USP36: variants seen among roughly 807,000 people sequenced by gnomAD.
The protein encoded by USP36 is ubiquitin specific peptidase 36.
A neutral mutation model predicts 111.5 loss-of-function variants in USP36; 59 were observed. The observed-to-expected ratio is 0.53, with a 90% CI of 0.43 to 0.66. The LOEUF is 0.66. USP36 is among the 30% of genes least tolerant of loss of function. The pLI, the probability that USP36 is intolerant of heterozygous loss-of-function variation, is 0.00. For synonymous variants in USP36, 628 were observed against 581.0 expected, an observed-to-expected ratio of 1.08 and a Z score of -1.16; for missense variants, 1,488 against 1,468.0, an observed-to-expected ratio of 1.01 and a Z score of -0.22.
intron 15 of USP36, among the ~76,000 whole-genome samples, chr17:78,804,524 G>A (rs1291102628): frequency 6.8e-6 from 1 of 146,658 alleles, no homozygotes; most frequent in Admixed American, 6.8e-5. Flanking sequence ...TTACCTAGGT[G>A]GTGGGTTGAT....
At chr17:78,835,887 G>A in intron 3 of USP36, 2 of 670,352 alleles carry the variant, frequency 3.0e-6, no homozygotes, top group Non-Finnish European at 4.9e-6. Context: ...GGGACAGCAA[G>A]TCCAAGGACC....
At chr17:78,827,088 C>T in intron 6 of USP36, 157 bp downstream of exon 6, 1 of 808,450 alleles carries the variant, frequency 1.2e-6, no homozygotes, top group Non-Finnish European at 2.1e-6. Context: ...ATTTGGGCTC[C>T]AACAGTTTGA....
At chr17:78,814,267 G>T in intron 11 of USP36, 145 bp downstream of exon 11, 3 of 1,125,714 alleles carry the variant, frequency 2.7e-6, no homozygotes, top group East Asian at 2.6e-5. Flanking sequence ...TTCACTCCAC[G>T]CAGAGAGGCA....
chr17:78,818,728 G>A lies in USP36; in HGVS notation c.962C>T (p.Ser321Phe). The change falls in exon 10 of 21, where the codon TCC becomes TTC. Residue 321 changes from serine to phenylalanine, a missense_variant. Ser to Phe is a radical substitution (Grantham distance 155). This residue lies in a region of USP36 where 196 missense variants were observed against 264.4 expected (regional missense o/e 0.74). Coordinates refer to ENST00000449938, the MANE Select transcript of USP36 (RefSeq NM_001385174.1). ...CTTGAGGGAAAGGGTTAAGACGTTG[G>A]ATGTTCTGTGGATGGTGAAGCGCTT... ...ASKRFTIHRT[S>F]NVLTLSLKRF... 1 of 1,614,100 alleles carries A rather than the reference G, an allele frequency of 6.2e-7. No homozygotes were observed. The highest frequency in any genetic ancestry group is 8.5e-7 in the Non-Finnish European group (1 of 1,179,954).
chr17:78,794,747 C>T (rs2093608969), downstream of USP36, among the ~76,000 whole-genome samples: 1 of 152,102 alleles, frequency 6.6e-6, no homozygotes, highest in Non-Finnish European at 1.5e-5. Context: ...GTGGCTCACG[C>T]CTGGAATCCC....
In USP36 at chr17:78,799,664, T is replaced by G; in HGVS notation, c.3124+3A>C. On this transcript the variant is annotated splice_donor_region_variant and intron_variant, in intron 18 of 20. Transcript: ENST00000449938. ...AACAGAAGTCCTGTCTCCAAATCAG[T>G]ACCTTTTCTCCCGTAAGCTTTATCA... The G allele has an allele frequency of 6.2e-7, 1 of 1,611,652 alleles. No individual in the cohort carries two copies. The highest frequency in any genetic ancestry group is 8.5e-7 in the Non-Finnish European group (1 of 1,179,124).
Position 78,836,095 on chromosome 17 carries a change from C to T in USP36, c.253+16G>A, listed in dbSNP as rs745673427. On this transcript the variant is annotated intron_variant, in intron 3 of 20. Transcript: ENST00000449938. ...CGGAGTGAGGGCCTCTCTGCCAGCACACTGCACATCTGTACCCTGTCTCCT... is the reference window on the plus strand; with the variant it reads ...CGGAGTGAGGGCCTCTCTGCCAGCATACTGCACATCTGTACCCTGTCTCCT... The T allele has an allele frequency of 1.2e-6, 2 of 1,609,926 alleles. No individual in the cohort carries two copies. The highest frequency in any genetic ancestry group is 3.3e-5 in the Admixed American group (2 of 59,946).
intron 3 of USP36, among the ~76,000 whole-genome samples, chr17:78,789,826 G>A (rs1400547543): frequency 3.3e-5 from 5 of 152,180 alleles, no homozygotes; most frequent in Non-Finnish European, 7.3e-5. Context: ...TTTCACTTAC[G>A]CAGAAAAACA....
intron 13 of USP36, among the ~76,000 whole-genome samples, chr17:78,808,673 T>C (rs1156880797): frequency 6.6e-6 from 1 of 152,186 alleles, no homozygotes; most frequent in African/African-American, 2.4e-5. Context: ...CTGTACAGTA[T>C]ATGTGTGTGT....
At chr17:78,841,379 G>C (rs527708930), upstream of USP36, 1 of 152,472 alleles carries the variant, frequency 6.6e-6, no homozygotes, top group South Asian at 2.1e-4. Context: ...TTTGGGGAGG[G>C]AGGGATCTGG....
chr17:78,818,390 T>A (rs1286866820), intron 10 of USP36, among the ~76,000 whole-genome samples: 1 of 152,110 alleles, frequency 6.6e-6, no homozygotes, highest in Non-Finnish European at 1.5e-5. Flanking sequence ...CTGGGCCCTG[T>A]CCTCCAGAGA....
In USP36 at chr17:78,798,516, C is replaced by T; in HGVS notation, c.3276G>A (p.Arg1092=). ...GTTTCTGGAAGGCGTTGAAGTTTCT[C>T]CTCTTCTCTCTCTTAAATTTTTTAA... The part of the protein sequence containing the change: ...KKIKKFKREK[R]RNFNAFQKLQ... Residue 1092 remains arginine, a synonymous_variant, in exon 20 of 21, where the codon AGG becomes AGA. Transcript: ENST00000449938. This position sits in a 1 kb window ranked among gnomAD's most constrained non-coding sequence, Gnocchi z 5.1. 1 of 1,614,008 alleles carries T rather than the reference C, an allele frequency of 6.2e-7. No homozygotes were observed. Among genetic ancestry groups the T allele is most frequent in the African/African-American group, 1.3e-5 (1 of 75,006 alleles).
upstream of USP36, chr17:78,841,322 C>CCG (rs1346446323): frequency 6.6e-6 from 1 of 152,426 alleles, no homozygotes; most frequent in Admixed American, 6.5e-5. Context: ...CCTTAACGTC[C>CCG]CGGGCTCTGG....
rs776050277 is a variant in USP36, at chr17:78,798,437, G to A, written c.3355C>T (p.Leu1119Phe). 4 of 1,614,202 alleles carry A rather than the reference G, an allele frequency of 2.5e-6. No homozygotes were observed. The South Asian group carries it at 4.4e-5, about 18-fold the overall frequency. Residue 1119 changes from leucine to phenylalanine, a missense_variant, in exon 20 of 21, where the codon CTC (leucine) becomes TTC (phenylalanine). Coordinates refer to ENST00000449938, the MANE Select transcript of USP36 (RefSeq NM_001385174.1). The surrounding 1 kb of genome is among the most constrained non-coding windows in gnomAD (Gnocchi z 5.1). ...SVTHPAKAAS[L>F]SYRR ...GGGCACAGTCAGCGGCGATAGCTGA[G>A]GCTGGCAGCCTTTGCTGGGTGAGTC...
intron 2 of USP36, among the ~76,000 whole-genome samples, chr17:78,837,893 T>C (rs888168914): frequency 2.0e-5 from 3 of 152,208 alleles, no homozygotes; most frequent in African/African-American, 7.2e-5. Context: ...TCTAATTCTA[T>C]ACATGGATCA....
At chr17:78,822,104 C>CTT in intron 6 of USP36, 100 bp from the exon 7 acceptor site, 1 of 1,408,630 alleles carries the variant, frequency 7.1e-7, no homozygotes. Context: ...ACAAGCTCAG[C>CTT]GTGAGGCTGG....
chr17:78,811,794 G>A lies in USP36; in HGVS notation c.1407+1066C>T, dbSNP rs1163190212. The stretch of plus-strand genomic sequence containing the variant: ...GAGGCAGGAGAATCGCTTGAACCTG[G>A]GAGGTGGAGGTTGCAGCGAGCCAAG... On this transcript the variant is annotated intron_variant, in intron 13 of 20. Coordinates refer to ENST00000449938, the MANE Select transcript of USP36 (RefSeq NM_001385174.1). Among the ~76,000 whole-genome samples, 9 of 152,242 alleles carry A rather than the reference G, an allele frequency of 5.9e-5. No individual in the cohort carries two copies. In the East Asian group the frequency reaches 9.6e-4, roughly 16 times the overall value.
chr17:78,794,641 C>G (rs1305941580), downstream of USP36, among the ~76,000 whole-genome samples: 1 of 152,180 alleles, frequency 6.6e-6, no homozygotes, highest in East Asian at 1.9e-4. Context: ...ATGGAAAAGC[C>G]TGTCAGGCGC....
chr17:78,835,108 C>T (rs186364949), intron 4 of USP36, among the ~76,000 whole-genome samples, 172 bp downstream of exon 4: 65 of 152,178 alleles, frequency 4.3e-4, no homozygotes, highest in Non-Finnish European at 7.1e-4. Context: ...GATTCACCTT[C>T]ATGGCCCATT....
Sources: gnomAD v4.1 joint callset for allele counts (sites outside exome capture counted in the v4.1 genomes callset) on GRCh38, gnomAD v4.1.1 for gene constraint, gnomAD v4.1.1 regional missense constraint, Gnocchi (gnomAD v3.1) non-coding constraint, MANE v1.5 for transcripts, NCBI Gene and HGNC (gene_info 2026-07-23, HGNC 2026-07-21) for gene names.